The following CUEDC1 variants were observed in gnomAD, a reference collection of about 807,000 sequenced individuals.
The protein encoded by CUEDC1 is CUE domain-containing protein 1.
Under a neutral mutation model 43.7 loss-of-function variants are expected in CUEDC1, and 30 were observed. That is an observed-to-expected ratio of 0.69 (90% CI 0.51 to 0.93). The LOEUF is 0.93. CUEDC1 is among the 40% of genes least tolerant of loss of function. The pLI, the probability that CUEDC1 is intolerant of heterozygous loss-of-function variation, is 0.00. For synonymous variants in CUEDC1, 223 were observed against 223.6 expected (o/e 1.00, Z 0.02); for missense variants, 486 against 549.0 (o/e 0.89, Z 1.15).
intron 1 of CUEDC1, among the ~76,000 whole-genome samples, chr17:57,892,934 C>G (rs759592811): frequency 4.6e-5 from 7 of 152,256 alleles, no homozygotes; most frequent in Non-Finnish European, 7.3e-5. Flanking sequence ...TCCTACAGAA[C>G]ACACACAACC....
chr17:57,905,288 A>ACACACACACACACACACC (rs1555565858), intron 1 of CUEDC1, among the ~76,000 whole-genome samples: 1 of 150,582 alleles, frequency 6.6e-6, no homozygotes, highest in Non-Finnish European at 1.5e-5. Context: ...ACACACACAC[A>ACACACACACACACACACC]CACTCCAGCC....
chr17:57,883,446 A>G (rs1404259525), intron 2 of CUEDC1, among the ~76,000 whole-genome samples: 1 of 152,254 alleles, frequency 6.6e-6, no homozygotes, highest in Non-Finnish European at 1.5e-5. Context: ...ACATCGGGCC[A>G]GGTGCAGTGG....
intron 1 of CUEDC1, among the ~76,000 whole-genome samples, chr17:57,899,342 G>GGC (rs2074446883): frequency 1.3e-5 from 2 of 152,108 alleles, no homozygotes; most frequent in African/African-American, 4.8e-5. Context: ...CACAGTCAGG[G>GGC]GCGCCCAGAG....
At chr17:57,932,429 C>T (rs1166286182) in intron 1 of CUEDC1, among the ~76,000 whole-genome samples, 1 of 151,164 alleles carries the variant, frequency 6.6e-6, no homozygotes, top group African/African-American at 2.4e-5. Flanking sequence ...ACTAAAAATA[C>T]AAAAAAATTA....
At chr17:57,898,576 A>G (rs2074437829) in intron 1 of CUEDC1, among the ~76,000 whole-genome samples, 1 of 152,202 alleles carries the variant, frequency 6.6e-6, no homozygotes, top group Non-Finnish European at 1.5e-5. Context: ...TGTGGTGGGC[A>G]TGCACAGCAC....
rs1376527599 is a variant in CUEDC1, at chr17:57,862,365, G to A, written c.*924C>T. The A allele has an allele frequency of 3.3e-5, 5 of 152,566 alleles. No individual in the cohort carries two copies. Among genetic ancestry groups the A allele is most frequent in the African/African-American group, 9.7e-5 (4 of 41,450 alleles). 9.5% of individuals were successfully genotyped at this position (152,566 alleles called of 1,614,324 possible). A position where few individuals can be genotyped will look rare whatever the true frequency, so the allele number is the denominator to read the frequency against. ...CTTTAGCCCTGCACCTGCTCAAAGG[G>A]GTCACTCCAGGACCCACCGCTGCCC... On this transcript the variant is annotated 3_prime_UTR_variant, in exon 11 of 11. Coordinates refer to ENST00000577830, the MANE Select transcript of CUEDC1 (RefSeq NM_001271875.2).
At position 57,920,233 on chromosome 17, in the gene CUEDC1, G is replaced by A. The variant is rs1047823722; in HGVS notation, c.-315-34354C>T. ...CAGAGACTGGTACCTTATTAGCAAC[G>A]CAGGATCCCAGGAGCTACTCCAAAC... On this transcript the variant is annotated intron_variant, in intron 1 of 10. Transcript: ENST00000577830. Among the ~76,000 whole-genome samples the A allele has an allele frequency of 1.1e-4, 16 of 152,256 alleles. No individual in the cohort carries two copies. In the South Asian group the frequency reaches 1.4e-3, roughly 14 times the overall value.
At chr17:57,906,328 C>T (rs919486326) in intron 1 of CUEDC1, among the ~76,000 whole-genome samples, 10 of 152,220 alleles carry the variant, frequency 6.6e-5, no homozygotes, top group African/African-American at 2.4e-4. Context: ...ACCTTGAAAA[C>T]ATTATACTAA....
chr17:57,896,857 C>T (rs955341331), intron 1 of CUEDC1, among the ~76,000 whole-genome samples: 1 of 147,094 alleles, frequency 6.8e-6, no homozygotes, highest in Non-Finnish European at 1.5e-5. Flanking sequence ...GCAACCTCTG[C>T]CTCCCGGGTT....
chr17:57,873,081 C>G (rs189246278), intron 4 of CUEDC1, among the ~76,000 whole-genome samples: 1 of 152,188 alleles, frequency 6.6e-6, no homozygotes, highest in Non-Finnish European at 1.5e-5. Flanking sequence ...TTCCCCCACG[C>G]CACAGACCAC....
At chr17:57,911,494 C>T (rs1321565328) in intron 1 of CUEDC1, among the ~76,000 whole-genome samples, 2 of 152,064 alleles carry the variant, frequency 1.3e-5, no homozygotes, top group Non-Finnish European at 2.9e-5. Flanking sequence ...TACCAGCTCT[C>T]TTTTTTCTTT....
At chr17:57,936,578 G>A (rs1224702369) in intron 1 of CUEDC1, among the ~76,000 whole-genome samples, 2 of 152,152 alleles carry the variant, frequency 1.3e-5, no homozygotes, top group East Asian at 3.9e-4. Flanking sequence ...ATGCAGATGG[G>A]CAGCGGGAGG....
intron 1 of CUEDC1, among the ~76,000 whole-genome samples, chr17:57,934,740 C>T (rs2074844034): frequency 6.6e-6 from 1 of 152,168 alleles, no homozygotes; most frequent in African/African-American, 2.4e-5. Flanking sequence ...CAGAATCTCA[C>T]TCTGTTGCCC....
rs2073987272 is a variant in CUEDC1, at chr17:57,868,209, G to A, written c.975C>T (p.Ala325=). 1 of 1,614,232 alleles carries A rather than the reference G, an allele frequency of 6.2e-7. No individual in the cohort carries two copies. The highest frequency in any genetic ancestry group is 8.5e-7 in the Non-Finnish European group (1 of 1,180,032). Residue 325 remains alanine, a synonymous_variant, in exon 8 of 11, where the codon GCC becomes GCT. Transcript: ENST00000577830. The part of the protein sequence containing the change: ...TRRKLFELAR[A]FSEKTKMRKS... ...TCCTCATTTTGGTCTTCTCTGAGAA[G>A]GCTCGGGCAAGTTCAAACAGTTTCC...
At chr17:57,880,419 A>C (rs2074187996) in intron 2 of CUEDC1, among the ~76,000 whole-genome samples, 1 of 152,182 alleles carries the variant, frequency 6.6e-6, no homozygotes, top group South Asian at 2.1e-4. Context: ...AACTTGGACC[A>C]CAAGGGTCCC....
intron 1 of CUEDC1, among the ~76,000 whole-genome samples, chr17:57,900,535 C>T (rs767820225): frequency 6.6e-6 from 1 of 152,240 alleles, no homozygotes; most frequent in African/African-American, 2.4e-5. Flanking sequence ...AATTATGCAT[C>T]ATCAGAGAAG....
At chr17:57,936,923 C>T (rs1481883529) in intron 1 of CUEDC1, among the ~76,000 whole-genome samples, 4 of 151,798 alleles carry the variant, frequency 2.6e-5, no homozygotes, top group Admixed American at 1.3e-4. Flanking sequence ...TGGGTTCAAG[C>T]GATTCTCCTG....
intron 8 of CUEDC1, 173 bp from the exon 9 acceptor site, chr17:57,867,588 G>A: frequency 3.1e-6 from 2 of 637,382 alleles, no homozygotes; most frequent in South Asian, 1.8e-5. Context: ...GAGGTCAGTG[G>A]TATGGCCAGG....
At chr17:57,896,487 GGTGTGTGTGTGT>G (rs1555660568) in intron 1 of CUEDC1, among the ~76,000 whole-genome samples, 12 of 130,280 alleles carry the variant, frequency 9.2e-5, no homozygotes, top group African/African-American at 3.3e-4. Flanking sequence ...TGCATTATGG[GGTGTGTGTGTGT>G]GTGTGTGTGT....
Sources: gnomAD v4.1 joint callset for allele counts (sites outside exome capture counted in the v4.1 genomes callset) on GRCh38, gnomAD v4.1.1 for gene constraint, MANE v1.5 for transcripts, NCBI Gene and HGNC (gene_info 2026-07-23, HGNC 2026-07-21) for gene names.